ZNF385D: variants seen among roughly 807,000 people sequenced by gnomAD.
ZNF385D encodes zinc finger protein 385D.
In ZNF385D, 15 loss-of-function variants were observed where a neutral mutation model predicts 35.8. The ratio of observed to expected loss-of-function variants is 0.42; its 90% CI spans 0.28 to 0.64. The LOEUF is 0.64. Ranked by LOEUF, ZNF385D falls within the 30% of genes least tolerant of loss-of-function variation. The pLI is 0.23. For missense variants in ZNF385D, 474 were observed against 494.6 expected, an observed-to-expected ratio of 0.96 and a Z score of 0.39; for synonymous variants, 212 against 186.8, an observed-to-expected ratio of 1.13 and a Z score of -1.10.
chr3:21,922,308 A>G (rs1013728305), intron 3 of ZNF385D, among the ~76,000 whole-genome samples: 1 of 152,180 alleles, frequency 6.6e-6, no homozygotes, highest in African/African-American at 2.4e-5. Flanking sequence ...ATGTAGAACT[A>G]AAAAAGAGCC....
chr3:21,413,242 G>A lies in ZNF385D; in HGVS notation c.*7972C>T, dbSNP rs542795959. 1 of 152,152 alleles carries A rather than the reference G, an allele frequency of 6.6e-6. No individual in the cohort carries two copies. The highest frequency in any genetic ancestry group is 2.1e-4 in the South Asian group (1 of 4,822). 9.4% of individuals were successfully genotyped at this position (152,152 alleles called of 1,614,324 possible). A position where few individuals can be genotyped will look rare whatever the true frequency, so the allele number is the denominator to read the frequency against. ...TTTATTCAGTAAGATTTGACGAGATGTAAAAAGCAAATTTATTTACCGAAC... is the reference window on the plus strand; with the variant it reads ...TTTATTCAGTAAGATTTGACGAGATATAAAAAGCAAATTTATTTACCGAAC... On this transcript the variant is annotated 3_prime_UTR_variant, in exon 8 of 8. Transcript: ENST00000281523.
chr3:21,508,781 G>C (rs938050746), intron 4 of ZNF385D, among the ~76,000 whole-genome samples: 1 of 152,118 alleles, frequency 6.6e-6, no homozygotes, highest in Admixed American at 6.6e-5. Flanking sequence ...TTGGAATACT[G>C]ACTTCCATTC....
exon 2 of ZNF385D, chr3:22,372,469 C>G: frequency 1.0e-6 from 1 of 985,956 alleles, no homozygotes; most frequent in South Asian, 4.7e-5. Flanking sequence ...GCTGAGCTTT[C>G]GGCGCCCCCA....
At chr3:21,959,322 A>C (rs1051133729) in intron 3 of ZNF385D, among the ~76,000 whole-genome samples, 2 of 152,170 alleles carry the variant, frequency 1.3e-5, no homozygotes, top group Non-Finnish European at 1.5e-5. Context: ...GAAGATGCTG[A>C]ATGCAGCTAA....
chr3:21,492,386 A>G (rs1705489427), intron 4 of ZNF385D, among the ~76,000 whole-genome samples: 1 of 151,870 alleles, frequency 6.6e-6, no homozygotes, highest in Non-Finnish European at 1.5e-5. Context: ...GGTTTTTTAT[A>G]AACAAACAAA....
chr3:22,067,460 A>G (rs1260213735), intron 3 of ZNF385D, among the ~76,000 whole-genome samples: 1 of 152,216 alleles, frequency 6.6e-6, no homozygotes, highest in East Asian at 1.9e-4. Context: ...ATAGATTTGT[A>G]TAATATAGTT....
chr3:21,811,068 G>A (rs1431280881), intron 3 of ZNF385D, among the ~76,000 whole-genome samples: 3 of 150,042 alleles, frequency 2.0e-5, no homozygotes, highest in African/African-American at 7.4e-5. Flanking sequence ...TTTCCACATA[G>A]GAAATATAAA....
At chr3:21,633,078 G>C (rs1361470166) in intron 2 of ZNF385D, among the ~76,000 whole-genome samples, 1 of 152,000 alleles carries the variant, frequency 6.6e-6, no homozygotes, top group Non-Finnish European at 1.5e-5. Context: ...GTATATTCTA[G>C]AGATTTAACA....
chr3:21,695,114 G>A (rs2067425887), intron 1 of ZNF385D, among the ~76,000 whole-genome samples: 1 of 152,138 alleles, frequency 6.6e-6, no homozygotes, highest in Admixed American at 6.5e-5. Context: ...GTGTATAAAT[G>A]AACATATATT....
chr3:22,027,110 A>G (rs1242417287), intron 3 of ZNF385D, among the ~76,000 whole-genome samples: 1 of 152,170 alleles, frequency 6.6e-6, no homozygotes, highest in Admixed American at 6.6e-5. Flanking sequence ...ATATACCTTT[A>G]CTGTCCTACC....
At chr3:21,977,086 C>T (rs1306687668) in intron 3 of ZNF385D, among the ~76,000 whole-genome samples, 6 of 152,100 alleles carry the variant, frequency 3.9e-5, no homozygotes, top group Admixed American at 1.3e-4. Context: ...CAAAAGAGTA[C>T]GTGTTGCATG....
At chr3:22,235,232 T>C (rs1250764492) in intron 2 of ZNF385D, among the ~76,000 whole-genome samples, 1 of 152,116 alleles carries the variant, frequency 6.6e-6, no homozygotes, top group East Asian at 1.9e-4. Flanking sequence ...TCAATATCCA[T>C]GATGTGTCTT....
chr3:21,585,645 A>G (rs983793069), intron 2 of ZNF385D, among the ~76,000 whole-genome samples: 8 of 152,188 alleles, frequency 5.3e-5, no homozygotes, highest in Admixed American at 2.0e-4. Context: ...AGAAAAACAA[A>G]TCGTGGATCA....
chr3:22,036,372 G>T (rs1020770350), intron 3 of ZNF385D, among the ~76,000 whole-genome samples: 1 of 152,126 alleles, frequency 6.6e-6, no homozygotes, highest in African/African-American at 2.4e-5. Flanking sequence ...TGAGACAAAT[G>T]ATTGGAATAT....
chr3:22,224,735 T>A (rs1698454682), intron 2 of ZNF385D, among the ~76,000 whole-genome samples: 1 of 152,218 alleles, frequency 6.6e-6, no homozygotes, highest in Non-Finnish European at 1.5e-5. Context: ...TACTCACTGA[T>A]AATGAACCTT....
At chr3:22,143,059 T>TTGTGTTTGTGTG (rs1553616227) in intron 3 of ZNF385D, among the ~76,000 whole-genome samples, 1 of 140,916 alleles carries the variant, frequency 7.1e-6, no homozygotes, top group Non-Finnish European at 1.5e-5. Context: ...ATTAAATCGG[T>TTGTGTTTGTGTG]TGTGTGTGTG....
chr3:21,668,956 T>C (rs749855681), intron 1 of ZNF385D, among the ~76,000 whole-genome samples: 14 of 152,204 alleles, frequency 9.2e-5, no homozygotes, highest in Non-Finnish European at 1.6e-4. Context: ...GACATTTCTA[T>C]AGGTGAGAAA....
intron 1 of ZNF385D, among the ~76,000 whole-genome samples, chr3:21,712,997 T>G (rs1174193872): frequency 2.0e-5 from 3 of 152,188 alleles, no homozygotes; most frequent in Non-Finnish European, 4.4e-5. Flanking sequence ...TTTTTGGACA[T>G]AAGAATCACT....
intron 3 of ZNF385D, among the ~76,000 whole-genome samples, chr3:22,059,320 G>C (rs1285332560): frequency 6.6e-6 from 1 of 152,124 alleles, no homozygotes; most frequent in Non-Finnish European, 1.5e-5. Context: ...AGGGAGAAGT[G>C]TGTAGTCTGG....
Sources: gnomAD v4.1 joint callset for allele counts (sites outside exome capture counted in the v4.1 genomes callset) on GRCh38, gnomAD v4.1.1 for gene constraint, MANE v1.5 for transcripts, NCBI Gene and HGNC (gene_info 2026-07-23, HGNC 2026-07-21) for gene names.